WWP2: variants seen among roughly 807,000 people sequenced by gnomAD.
WWP2 encodes the protein NEDD4-like E3 ubiquitin-protein ligase WWP2.
WWP2 carries 57 observed loss-of-function variants against 121.0 expected under a neutral mutation model. That is an observed-to-expected ratio of 0.47 (90% CI 0.38 to 0.59). The LOEUF is 0.59. Among genes scored for constraint, WWP2 ranks in the 20% least tolerant of loss-of-function variants. The probability of loss-of-function intolerance (pLI) is 0.00; values close to 1 mark genes in which losing one functional copy is unlikely to be tolerated. For synonymous variants in WWP2, 449 were observed against 441.3 expected (o/e 1.02, Z -0.22); for missense variants, 962 against 1,158.9 (o/e 0.83, Z 2.47).
Position 69,900,713 on chromosome 16 carries a change from G to A in WWP2, c.915-8048G>A, listed in dbSNP as rs191560313. On this transcript the variant is annotated intron_variant, in intron 8 of 23. Coordinates refer to ENST00000359154, the MANE Select transcript of WWP2 (RefSeq NM_001270454.2). Reference sequence around the variant, plus strand: ...AATTTTTTGTATTTTTAGTAGAGACGGGGTTTCACCATGTTGGCCAGGGTG... The same window carrying A: ...AATTTTTTGTATTTTTAGTAGAGACAGGGTTTCACCATGTTGGCCAGGGTG... Among the ~76,000 whole-genome samples, 9 of 152,052 alleles carry A rather than the reference G, an allele frequency of 5.9e-5. No homozygotes were observed. In the Middle Eastern group the frequency reaches 0.01, roughly 172 times the overall value.
At chr16:69,890,374 G>GT (rs577523988) in intron 8 of WWP2, among the ~76,000 whole-genome samples, 1 of 152,056 alleles carries the variant, frequency 6.6e-6, no homozygotes, top group Non-Finnish European at 1.5e-5. Flanking sequence ...GCTCTGGGAT[G>GT]TTTTTTTGTG....
At chr16:69,916,845 T>C (rs2058486084) in intron 9 of WWP2, among the ~76,000 whole-genome samples, 1 of 151,898 alleles carries the variant, frequency 6.6e-6, no homozygotes, top group Admixed American at 6.6e-5. Context: ...GGGAAACCAT[T>C]TTTAGGGAGG....
chr16:69,880,546 C>A (rs2057808820), intron 7 of WWP2, among the ~76,000 whole-genome samples: 1 of 152,090 alleles, frequency 6.6e-6, no homozygotes, highest in Non-Finnish European at 1.5e-5. Context: ...AGGATTTTAC[C>A]TTCCCATCAA....
At chr16:69,841,503 T>A (rs1315086098) in intron 5 of WWP2, among the ~76,000 whole-genome samples, 1 of 151,778 alleles carries the variant, frequency 6.6e-6, no homozygotes, top group Non-Finnish European at 1.5e-5. Context: ...GGAGGTGAGA[T>A]CAGAGAAACA....
At chr16:69,913,318 C>T (rs2058429390) in intron 9 of WWP2, among the ~76,000 whole-genome samples, 1 of 151,662 alleles carries the variant, frequency 6.6e-6, no homozygotes, top group Admixed American at 6.6e-5. Context: ...CAGGCGTGAG[C>T]CACCACGCCC....
intron 4 of WWP2, among the ~76,000 whole-genome samples, chr16:69,823,475 GTT>G (rs574763691): frequency 1.4e-5 from 2 of 143,592 alleles, no homozygotes; most frequent in Non-Finnish European, 1.5e-5. Flanking sequence ...TTTTTCTTGT[GTT>G]TTTTTTTTTT....
At chr16:69,859,772 A>G (rs535263419) in intron 6 of WWP2, among the ~76,000 whole-genome samples, 1 of 151,798 alleles carries the variant, frequency 6.6e-6, no homozygotes, top group East Asian at 1.9e-4. Context: ...CTGTGATTTG[A>G]ATCTCTCTGA....
intron 4 of WWP2, among the ~76,000 whole-genome samples, chr16:69,811,485 G>A (rs2056391779): frequency 6.6e-6 from 1 of 152,100 alleles, no homozygotes; most frequent in South Asian, 2.1e-4. Flanking sequence ...GGGTCTGGTG[G>A]CTTATACCTC....
chr16:69,883,637 G>A (rs746654340), intron 7 of WWP2, among the ~76,000 whole-genome samples: 1 of 152,020 alleles, frequency 6.6e-6, no homozygotes, highest in Non-Finnish European at 1.5e-5. Flanking sequence ...TTAAACATGC[G>A]CCATGGTGGT....
intron 2 of WWP2, among the ~76,000 whole-genome samples, chr16:69,798,057 A>T (rs1255664525): frequency 6.6e-6 from 1 of 152,072 alleles, no homozygotes; most frequent in Non-Finnish European, 1.5e-5. Context: ...TAACCCATGG[A>T]TTTGCAAAAA....
chr16:69,834,363 C>T (rs892043107), intron 4 of WWP2, among the ~76,000 whole-genome samples: 1 of 152,126 alleles, frequency 6.6e-6, no homozygotes, highest in East Asian at 1.9e-4. Flanking sequence ...GTGACTTCCC[C>T]CATCCTTTAG....
intron 4 of WWP2, among the ~76,000 whole-genome samples, chr16:69,827,357 G>A (rs1254937683): frequency 1.3e-5 from 2 of 152,040 alleles, no homozygotes; most frequent in Non-Finnish European, 2.9e-5. Flanking sequence ...TCGCGCCACT[G>A]CACTCCAGCC....
chr16:69,818,376 T>C (rs540730313), intron 4 of WWP2, among the ~76,000 whole-genome samples: 6 of 152,040 alleles, frequency 3.9e-5, no homozygotes, highest in Non-Finnish European at 7.4e-5. Context: ...CCCAGCTAAT[T>C]TTTTATTTTT....
chr16:69,807,677 G>T (rs1460223558), intron 4 of WWP2, among the ~76,000 whole-genome samples: 1 of 150,512 alleles, frequency 6.6e-6, no homozygotes, highest in Non-Finnish European at 1.5e-5. Flanking sequence ...GGGCAGCCAG[G>T]TGCAGTAGCT....
intron 6 of WWP2, among the ~76,000 whole-genome samples, chr16:69,867,256 C>G (rs553537691): frequency 6.6e-6 from 1 of 152,056 alleles, no homozygotes; most frequent in Admixed American, 6.6e-5. Context: ...AACACTGTCA[C>G]GTGGTCAGCC....
Position 69,799,881 on chromosome 16 carries a change from C to A in WWP2, c.340+586C>A, listed in dbSNP as rs989377565. Reference sequence around the variant, plus strand: ...CATATAAATCCTCATCTATTTATTGCTGTTTGTGGTCAGTGGCATGGCCCA... The same window carrying A: ...CATATAAATCCTCATCTATTTATTGATGTTTGTGGTCAGTGGCATGGCCCA... On this transcript the variant is annotated intron_variant, in intron 4 of 23. Transcript: ENST00000359154. This position sits in a 1 kb window ranked among gnomAD's most constrained non-coding sequence, Gnocchi z 4.5. Among the ~76,000 whole-genome samples, 11 of 152,138 alleles carry A rather than the reference C, an allele frequency of 7.2e-5. No homozygotes were observed. Among genetic ancestry groups the A allele is most frequent in the Non-Finnish European group, 1.6e-4 (11 of 68,030 alleles).
intron 4 of WWP2, chr16:69,827,987 G>C (rs1040313561): frequency 1.1e-5 from 5 of 444,184 alleles, no homozygotes; most frequent in African/African-American, 2.0e-5. Flanking sequence ...TCCACAGCTG[G>C]TTCCCGAGAC....
intron 7 of WWP2, among the ~76,000 whole-genome samples, chr16:69,880,756 A>G (rs1353445076): frequency 6.6e-6 from 1 of 152,194 alleles, no homozygotes; most frequent in African/African-American, 2.4e-5. Context: ...TTCACGGGTG[A>G]AAGACACCAA....
intron 4 of WWP2, among the ~76,000 whole-genome samples, chr16:69,823,852 T>C (rs1428893393): frequency 6.6e-6 from 1 of 152,234 alleles, no homozygotes; most frequent in Non-Finnish European, 1.5e-5. Context: ...GTTATATTTG[T>C]ACAGTTCTAG....
Sources: allele counts gnomAD v4.1 joint callset (sites outside exome capture counted in the v4.1 genomes callset), GRCh38; gene constraint gnomAD v4.1.1; non-coding constraint Gnocchi (gnomAD v3.1); transcripts MANE v1.5; gene names NCBI Gene and HGNC (gene_info 2026-07-23, HGNC 2026-07-21).